Variants in SNTG2 observed in about 807,000 individuals in gnomAD.
SNTG2 encodes the protein gamma-2-syntrophin.
Under a neutral mutation model 70.9 loss-of-function variants are expected in SNTG2, and 74 were observed. The ratio of observed to expected loss-of-function variants is 1.04; its 90% confidence interval spans 0.86 to 1.27. SNTG2 has a LOEUF of 1.27. Among genes scored for constraint, SNTG2 ranks in the 50% most tolerant of loss-of-function variants. The pLI, the probability that SNTG2 is intolerant of heterozygous loss-of-function variation, is 0.00. For synonymous variants in SNTG2, 278 were observed against 273.8 expected, an observed-to-expected ratio of 1.02 and a Z score of -0.15; for missense variants, 717 against 690.7, an observed-to-expected ratio of 1.04 and a Z score of -0.43.
intron 16 of SNTG2, among the ~76,000 whole-genome samples, chr2:1,346,955 T>G (rs1200610741): frequency 6.6e-6 from 1 of 152,074 alleles, no homozygotes; most frequent in Non-Finnish European, 1.5e-5. Flanking sequence ...ATCCACCACG[T>G]CATGCTGTAC....
At chr2:1,188,215 T>C (rs530904630) in intron 8 of SNTG2, among the ~76,000 whole-genome samples, 9 of 152,132 alleles carry the variant, frequency 5.9e-5, no homozygotes, top group Admixed American at 1.3e-4. Context: ...TCACGAATTA[T>C]AATAGGTATG....
chr2:1,071,902 G>A (rs1392388935), intron 1 of SNTG2, among the ~76,000 whole-genome samples: 1 of 152,186 alleles, frequency 6.6e-6, no homozygotes, highest in Non-Finnish European at 1.5e-5. Flanking sequence ...CATTCTCTTA[G>A]CCAGAGCCTA....
chr2:990,137 A>G (rs750187822), intron 1 of SNTG2, among the ~76,000 whole-genome samples: 1 of 152,184 alleles, frequency 6.6e-6, no homozygotes, highest in Non-Finnish European at 1.5e-5. Context: ...TTTTCCTTCT[A>G]TTCTTTACTA....
chr2:1,198,340 G>T (rs1002752583), intron 8 of SNTG2, among the ~76,000 whole-genome samples: 24 of 151,850 alleles, frequency 1.6e-4, no homozygotes, highest in Non-Finnish European at 3.4e-4. Context: ...AAATCTATAG[G>T]ATATAGCAAA....
intron 14 of SNTG2, among the ~76,000 whole-genome samples, chr2:1,287,959 T>TGGAGGACCTGAGGC (rs1679834055): frequency 6.6e-6 from 1 of 151,606 alleles, no homozygotes; most frequent in Admixed American, 6.6e-5. Context: ...GGACCCGGGG[T>TGGAGGACCTGAGGC]GGAGCACCTG....
chr2:1,302,939 C>T (rs1226260990), intron 14 of SNTG2, among the ~76,000 whole-genome samples: 1 of 151,776 alleles, frequency 6.6e-6, no homozygotes, highest in East Asian at 1.9e-4. Context: ...CCGGGAAGAC[C>T]CAGCCATCCT....
intron 1 of SNTG2, among the ~76,000 whole-genome samples, chr2:1,083,301 T>G (rs1266422118): frequency 6.6e-6 from 1 of 151,168 alleles, no homozygotes; most frequent in Non-Finnish European, 1.5e-5. Flanking sequence ...ATGCCTTATA[T>G]AAATCCTACA....
chr2:1,281,331 GT>G (rs1679520204), intron 14 of SNTG2, among the ~76,000 whole-genome samples: 1 of 27,074 alleles, frequency 3.7e-5, no homozygotes, highest in African/African-American at 1.8e-4. Flanking sequence ...TGTGGTGTGT[GT>G]GTGTGGTGGT....
At chr2:1,217,933 G>T (rs538193080) in intron 9 of SNTG2, among the ~76,000 whole-genome samples, 2 of 152,086 alleles carry the variant, frequency 1.3e-5, no homozygotes, top group South Asian at 4.2e-4. Flanking sequence ...CTCCCGGCTG[G>T]TCCTCTGCTT....
intron 14 of SNTG2, among the ~76,000 whole-genome samples, chr2:1,293,534 G>T (rs954648142): frequency 1.3e-5 from 2 of 150,522 alleles, no homozygotes; most frequent in African/African-American, 5.0e-5. Flanking sequence ...ACTGTGTTGT[G>T]TGAATTCTGG....
intron 16 of SNTG2, among the ~76,000 whole-genome samples, chr2:1,321,379 C>G (rs1328585636): frequency 6.6e-6 from 1 of 152,160 alleles, no homozygotes; most frequent in East Asian, 1.9e-4. Flanking sequence ...GTAAACCCCA[C>G]TGAAAATTAC....
intron 9 of SNTG2, among the ~76,000 whole-genome samples, chr2:1,227,371 G>A (rs1006574876): frequency 2.6e-5 from 4 of 152,338 alleles, no homozygotes; most frequent in East Asian, 3.9e-4. Context: ...CTGCTATGCC[G>A]AGGCCACGGA....
intron 1 of SNTG2, among the ~76,000 whole-genome samples, chr2:957,710 T>TACTGAGACTGAGACTGAG (rs59010729): frequency 4.0e-5 from 6 of 151,856 alleles, no homozygotes; most frequent in African/African-American, 1.2e-4. Context: ...GCGAGACTGG[T>TACTGAGACTGAGACTGAG]ACTGAGACTG....
intron 1 of SNTG2, among the ~76,000 whole-genome samples, chr2:1,020,734 A>G (rs1253050835): frequency 6.6e-6 from 1 of 152,182 alleles, no homozygotes; most frequent in Non-Finnish European, 1.5e-5. Flanking sequence ...CAAACATGTC[A>G]AACTGTCTGC....
At chr2:1,220,294 C>T (rs932621965) in intron 9 of SNTG2, among the ~76,000 whole-genome samples, 4 of 152,220 alleles carry the variant, frequency 2.6e-5, no homozygotes, top group Admixed American at 6.5e-5. Flanking sequence ...GCCGTCAGAG[C>T]GTGGGCTGTG....
intron 8 of SNTG2, among the ~76,000 whole-genome samples, chr2:1,204,239 A>G (rs984909800): frequency 6.6e-6 from 1 of 152,152 alleles, no homozygotes; most frequent in African/African-American, 2.4e-5. Context: ...CATGGGCTAT[A>G]TATATTTGAC....
At chr2:1,248,301 T>C (rs78360736) in intron 12 of SNTG2, among the ~76,000 whole-genome samples, 1 of 152,212 alleles carries the variant, frequency 6.6e-6, no homozygotes, top group Non-Finnish European at 1.5e-5. Context: ...CCCGTCTGCC[T>C]CCACTCAGCT....
At chr2:1,060,258 G>T (rs1167367008) in intron 1 of SNTG2, among the ~76,000 whole-genome samples, 1 of 152,266 alleles carries the variant, frequency 6.6e-6, no homozygotes, top group Non-Finnish European at 1.5e-5. Flanking sequence ...GGAAACCAAA[G>T]GTTCACTTTC....
At chr2:1,174,036 T>C (rs1318015534) in intron 8 of SNTG2, among the ~76,000 whole-genome samples, 1 of 152,252 alleles carries the variant, frequency 6.6e-6, no homozygotes, top group Non-Finnish European at 1.5e-5. Context: ...ATGTTTAAGA[T>C]GTCTGACTAC....
Sources: allele counts gnomAD v4.1 joint callset (sites outside exome capture counted in the v4.1 genomes callset), GRCh38; gene constraint gnomAD v4.1.1; transcripts MANE v1.5; gene names NCBI Gene and HGNC (gene_info 2026-07-23, HGNC 2026-07-21).